GRIK4: variants seen among roughly 807,000 people sequenced by gnomAD.
The protein encoded by GRIK4 is glutamate receptor ionotropic, kainate 4.
Under a neutral mutation model 104.9 loss-of-function variants are expected in GRIK4, and 40 were observed. The observed-to-expected ratio is 0.38, with a 90% CI of 0.30 to 0.50. GRIK4 has a LOEUF of 0.50. Among genes scored for constraint, GRIK4 ranks in the 20% least tolerant of loss-of-function variants. The pLI is 0.93. For missense variants in GRIK4, 1,047 were observed against 1,308.1 expected, an observed-to-expected ratio of 0.80 and a Z score of 3.08; for synonymous variants, 485 against 524.9, an observed-to-expected ratio of 0.92 and a Z score of 1.04.
Position 120,967,096 on chromosome 11 carries a change from C to T in GRIK4, c.2267-99C>T, listed in dbSNP as rs1944396463. On this transcript the variant is annotated intron_variant, in intron 18 of 20. Transcript: ENST00000527524. This position sits in a 1 kb window ranked among gnomAD's most constrained non-coding sequence, Gnocchi z 4.2. ...TGTCTGTCCCCTCTCGAGGTGAAAGCAGGCAGGGTGGCCAGGAGGTGTGCC... is the reference window on the plus strand; with the variant it reads ...TGTCTGTCCCCTCTCGAGGTGAAAGTAGGCAGGGTGGCCAGGAGGTGTGCC... 1 of 1,361,562 alleles carries T rather than the reference C, an allele frequency of 7.3e-7. No homozygotes were observed. The highest frequency in any genetic ancestry group is 1.4e-5 in the South Asian group (1 of 72,112). The allele number at this position is 1,361,562 out of a possible 1,614,324, so 84.3% of individuals were successfully genotyped here.
At chr11:120,771,569 C>G (rs529195193) in intron 3 of GRIK4, among the ~76,000 whole-genome samples, 1 of 152,276 alleles carries the variant, frequency 6.6e-6, no homozygotes, top group African/African-American at 2.4e-5. Flanking sequence ...AGAAAATCCC[C>G]AGTCTATCTG....
chr11:120,801,636 C>A (rs1165997840), intron 3 of GRIK4, among the ~76,000 whole-genome samples: 7 of 152,098 alleles, frequency 4.6e-5, no homozygotes, highest in Non-Finnish European at 8.8e-5. Flanking sequence ...ATTTTTTTAT[C>A]TATCAATCAA....
chr11:120,602,991 C>A (rs1001993443), intron 1 of GRIK4, among the ~76,000 whole-genome samples: 15 of 152,222 alleles, frequency 9.9e-5, no homozygotes, highest in Non-Finnish European at 1.3e-4. Context: ...GCATGAGCCA[C>A]CATACCCGGC....
At chr11:120,672,039 A>G (rs1950026930) in intron 3 of GRIK4, among the ~76,000 whole-genome samples, 1 of 152,184 alleles carries the variant, frequency 6.6e-6, no homozygotes, top group Non-Finnish European at 1.5e-5. Context: ...CTTGTAGTAT[A>G]GTTTGAAGTC....
intron 3 of GRIK4, among the ~76,000 whole-genome samples, chr11:120,702,060 A>G (rs1023469726): frequency 1.0e-4 from 15 of 149,946 alleles, no homozygotes; most frequent in Admixed American, 2.7e-4. Context: ...GGTTCAAGCA[A>G]TTGTCTTGCC....
chr11:120,820,401 T>C (rs1209580188), intron 6 of GRIK4, among the ~76,000 whole-genome samples: 1 of 152,240 alleles, frequency 6.6e-6, no homozygotes, highest in Non-Finnish European at 1.5e-5. Flanking sequence ...CAGGTTTTGC[T>C]GATGGAACAA....
chr11:120,962,192 A>G (rs1222141018), intron 17 of GRIK4, among the ~76,000 whole-genome samples: 1 of 152,148 alleles, frequency 6.6e-6, no homozygotes, highest in Non-Finnish European at 1.5e-5. Flanking sequence ...GGCAAAACCA[A>G]TGACCAAATC....
At chr11:120,779,222 C>T (rs569122231) in intron 3 of GRIK4, among the ~76,000 whole-genome samples, 4 of 152,204 alleles carry the variant, frequency 2.6e-5, no homozygotes, top group African/African-American at 9.6e-5. Flanking sequence ...GAAGGTAGTC[C>T]GCAGGCCTTC....
At position 120,971,537 on chromosome 11, in the gene GRIK4, G is replaced by C. The variant is rs188470772; in HGVS notation, c.2395+4214G>C. Among the ~76,000 whole-genome samples, 14 of 152,338 alleles carry C rather than the reference G, an allele frequency of 9.2e-5. No individual in the cohort carries two copies. The East Asian group carries it at 2.7e-3, about 29-fold the overall frequency. On this transcript the variant is annotated intron_variant, in intron 19 of 20. Transcript: ENST00000527524. ...GTTCTTATTGCTGCCAACAAACAGC[G>C]TGGTAAACTACTGTGTACCAGGCAC...
chr11:120,704,172 G>A (rs367935416), intron 3 of GRIK4, among the ~76,000 whole-genome samples: 4 of 152,286 alleles, frequency 2.6e-5, no homozygotes, highest in East Asian at 3.9e-4. Context: ...ACAGTGCCTG[G>A]CACATAGTAG....
chr11:120,955,342 A>G (rs1220377618), intron 15 of GRIK4, among the ~76,000 whole-genome samples: 1 of 152,190 alleles, frequency 6.6e-6, no homozygotes, highest in Non-Finnish European at 1.5e-5. Context: ...TTTGTGTTGT[A>G]CTCAGGAAGG....
intron 3 of GRIK4, among the ~76,000 whole-genome samples, chr11:120,784,322 A>G (rs887731545): frequency 2.0e-5 from 3 of 152,244 alleles, no homozygotes; most frequent in South Asian, 2.1e-4. Context: ...TTGTGCTTTG[A>G]TCTCCTGGGA....
At chr11:120,551,834 C>T (rs1948143796) in intron 1 of GRIK4, among the ~76,000 whole-genome samples, 1 of 152,002 alleles carries the variant, frequency 6.6e-6, no homozygotes, top group South Asian at 2.1e-4. Context: ...ACAGTCACGT[C>T]TATCCAATGA....
At chr11:120,896,250 G>A (rs530201285) in intron 11 of GRIK4, among the ~76,000 whole-genome samples, 1 of 152,354 alleles carries the variant, frequency 6.6e-6, no homozygotes, top group East Asian at 1.9e-4. Flanking sequence ...GCTTAAGAGT[G>A]CAGGGCTTAA....
At chr11:120,894,083 C>T (rs1050176467) in intron 11 of GRIK4, among the ~76,000 whole-genome samples, 3 of 152,110 alleles carry the variant, frequency 2.0e-5, no homozygotes, top group Non-Finnish European at 2.9e-5. Flanking sequence ...TTTGAGACAC[C>T]GTCCTAATCT....
At chr11:120,638,645 T>C (rs926535401) in intron 1 of GRIK4, among the ~76,000 whole-genome samples, 6 of 151,828 alleles carry the variant, frequency 4.0e-5, no homozygotes, top group Non-Finnish European at 5.9e-5. Context: ...GCCCGGCTAA[T>C]TTTTTGTATT....
chr11:120,710,812 G>A (rs149103254), intron 3 of GRIK4, among the ~76,000 whole-genome samples: 2 of 152,318 alleles, frequency 1.3e-5, no homozygotes, highest in African/African-American at 4.8e-5. Context: ...AAATGTTAAT[G>A]ATTTGTATTA....
chr11:120,534,864 C>T (rs1947957156), intron 1 of GRIK4, among the ~76,000 whole-genome samples: 1 of 152,186 alleles, frequency 6.6e-6, no homozygotes, highest in African/African-American at 2.4e-5. Flanking sequence ...GGGGGACACT[C>T]AGCAGGGATG....
chr11:120,935,815 G>T (rs1365226305), intron 13 of GRIK4, among the ~76,000 whole-genome samples: 1 of 152,088 alleles, frequency 6.6e-6, no homozygotes, highest in Non-Finnish European at 1.5e-5. Flanking sequence ...TGCCAGGCAA[G>T]GTTAGTGGCC....
Sources: allele counts gnomAD v4.1 joint callset (sites outside exome capture counted in the v4.1 genomes callset), GRCh38; gene constraint gnomAD v4.1.1; non-coding constraint Gnocchi (gnomAD v3.1); transcripts MANE v1.5; gene names NCBI Gene and HGNC (gene_info 2026-07-23, HGNC 2026-07-21).